The following HIKESHI variants were observed in gnomAD, a reference collection of about 807,000 sequenced individuals.
HIKESHI encodes heat shock protein nuclear import factor hikeshi.
HIKESHI carries 13 observed loss-of-function variants against 25.7 expected under a neutral mutation model. The ratio of observed to expected loss-of-function variants is 0.51; its 90% CI spans 0.33 to 0.80. The LOEUF is 0.80. Ranked by LOEUF, HIKESHI falls within the 30% of genes least tolerant of loss-of-function variation. HIKESHI has a pLI of 0.02. For missense variants in HIKESHI, 174 were observed against 229.5 expected, an observed-to-expected ratio of 0.76 and a Z score of 1.56; for synonymous variants, 76 against 78.7, an observed-to-expected ratio of 0.97 and a Z score of 0.18.
intron 2 of HIKESHI, among the ~76,000 whole-genome samples, chr11:86,309,082 T>C (rs1319982430): frequency 6.6e-6 from 1 of 152,130 alleles, no homozygotes; most frequent in Non-Finnish European, 1.5e-5. Context: ...TGGGTATATG[T>C]CCAGTAATGG....
At chr11:86,335,389 T>C (rs1214504188) in intron 2 of HIKESHI, among the ~76,000 whole-genome samples, 1 of 152,192 alleles carries the variant, frequency 6.6e-6, no homozygotes, top group East Asian at 1.9e-4. Context: ...GGGAATGAGA[T>C]GCTTTGGGGA....
chr11:86,316,262 A>G (rs927388818), intron 2 of HIKESHI, among the ~76,000 whole-genome samples: 4 of 151,650 alleles, frequency 2.6e-5, no homozygotes, highest in Non-Finnish European at 5.9e-5. Flanking sequence ...TGTAATCCCA[A>G]CACTTTGGGA....
At chr11:86,337,341 T>G in intron 2 of HIKESHI, 38 bp from the exon 3 acceptor site, 6 of 1,581,238 alleles carry the variant, frequency 3.8e-6, no homozygotes, top group Non-Finnish European at 5.2e-6. Context: ...GACTACAAGT[T>G]TAATTTGAAA....
intron 2 of HIKESHI, among the ~76,000 whole-genome samples, chr11:86,336,819 A>G (rs1433960662): frequency 6.6e-6 from 1 of 152,216 alleles, no homozygotes; most frequent in African/African-American, 2.4e-5. Flanking sequence ...GAATGTTGAA[A>G]GCATCAAGAG....
chr11:86,315,750 G>A (rs1946960624), intron 2 of HIKESHI, among the ~76,000 whole-genome samples: 1 of 152,198 alleles, frequency 6.6e-6, no homozygotes, highest in South Asian at 2.1e-4. Context: ...TGAACCCAGA[G>A]TGTAGAAAAG....
At chr11:86,305,221 A>C (rs1946592905) in intron 1 of HIKESHI, among the ~76,000 whole-genome samples, 1 of 151,294 alleles carries the variant, frequency 6.6e-6, no homozygotes, top group Non-Finnish European at 1.5e-5. Context: ...GCTGGTCTTG[A>C]ACTCCTGAGC....
At chr11:86,335,635 T>A (rs1230009783) in intron 2 of HIKESHI, among the ~76,000 whole-genome samples, 1 of 152,186 alleles carries the variant, frequency 6.6e-6, no homozygotes, top group Non-Finnish European at 1.5e-5. Flanking sequence ...CTGGCAGAAT[T>A]TTTTGGTTGC....
In HIKESHI at chr11:86,336,147, A is replaced by C. The variant is rs1255805851; in HGVS notation, c.269-1232A>C. Among the ~76,000 whole-genome samples, 4 of 152,258 alleles carry C rather than the reference A, an allele frequency of 2.6e-5. No individual in the cohort carries two copies. In the East Asian group the frequency reaches 5.8e-4, roughly 22 times the overall value. ...GATAGCAGAATTGAGTAGACAGAAG[A>C]AAGAATCAGTGAAGTCGAAGATAAA... On this transcript the variant is annotated intron_variant, in intron 2 of 4. Transcript: ENST00000278483.
chr11:86,319,112 A>G lies in HIKESHI; in HGVS notation c.268+12630A>G, dbSNP rs1039129871. Among the ~76,000 whole-genome samples the G allele has an allele frequency of 4.0e-5, 6 of 151,210 alleles. No homozygotes were observed. The East Asian group carries it at 7.8e-4, about 20-fold the overall frequency. ...TTTTTTGTAGAGATAGGGTCTTGCC[A>G]TGTTGCCCAGGCTGGTCTCAAATTC... On this transcript the variant is annotated intron_variant, in intron 2 of 4. Coordinates refer to ENST00000278483, the MANE Select transcript of HIKESHI (RefSeq NM_016401.4).
Position 86,318,093 on chromosome 11 carries a change from A to G in HIKESHI, c.268+11611A>G, listed in dbSNP as rs532803185. 6.6e-5 allele frequency among the ~76,000 whole-genome samples: 10 copies of G among 151,960 alleles called. No individual in the cohort carries two copies. The East Asian group carries it at 7.8e-4, about 12-fold the overall frequency. ...GCTGAGGCGGGCGGATCACGAGGTC[A>G]GGAGATCAAGACCATCCTGGCTAAC... On this transcript the variant is annotated intron_variant, in intron 2 of 4. Coordinates refer to ENST00000278483, the MANE Select transcript of HIKESHI (RefSeq NM_016401.4).
At chr11:86,303,524 C>A in intron 1 of HIKESHI, 1 of 320,408 alleles carries the variant, frequency 3.1e-6, no homozygotes, top group Non-Finnish European at 4.5e-6. Context: ...TTGTGTGACT[C>A]AGACGAGTGA....
At chr11:86,319,593 A>C (rs1355940424) in intron 2 of HIKESHI, among the ~76,000 whole-genome samples, 1 of 149,446 alleles carries the variant, frequency 6.7e-6, no homozygotes, top group Non-Finnish European at 1.5e-5. Flanking sequence ...GAATATCTGT[A>C]ATCAGTGTTC....
intron 1 of HIKESHI, among the ~76,000 whole-genome samples, chr11:86,305,608 A>T (rs1453646522): frequency 6.8e-6 from 1 of 146,634 alleles, no homozygotes; most frequent in Non-Finnish European, 1.5e-5. Flanking sequence ...CTGGTTTCGA[A>T]CTCCTGACGT....
chr11:86,340,014 C>T (rs539600474), intron 3 of HIKESHI, among the ~76,000 whole-genome samples: 11 of 150,682 alleles, frequency 7.3e-5, no homozygotes, highest in Non-Finnish European at 1.5e-4. Flanking sequence ...GGTTTTCTGT[C>T]CTTGTGATAG....
At chr11:86,340,923 G>A (rs546375097) in intron 3 of HIKESHI, among the ~76,000 whole-genome samples, 22 of 152,320 alleles carry the variant, frequency 1.4e-4, no homozygotes, top group African/African-American at 5.1e-4. Flanking sequence ...GATTACAGGC[G>A]TGAGCCATCA....
chr11:86,343,989 T>G (rs1947801633), intron 3 of HIKESHI: 4 of 152,262 alleles, frequency 2.6e-5, no homozygotes, highest in African/African-American at 9.6e-5. Flanking sequence ...TTTGATCATT[T>G]TAGAGTCAAG....
chr11:86,320,748 C>T (rs1377301242), intron 2 of HIKESHI, among the ~76,000 whole-genome samples: 1 of 152,120 alleles, frequency 6.6e-6, no homozygotes, highest in African/African-American at 2.4e-5. Flanking sequence ...CTGTTTCCAC[C>T]ACCTCTTCTC....
At chr11:86,309,744 TGTATAAG>T (rs1946781862) in intron 2 of HIKESHI, among the ~76,000 whole-genome samples, 1 of 152,200 alleles carries the variant, frequency 6.6e-6, no homozygotes, top group Admixed American at 6.5e-5. Context: ...AATTAATTTT[TGTATAAG>T]GTATAAGAAA....
intron 2 of HIKESHI, chr11:86,326,617 C>T: frequency 2.2e-6 from 1 of 452,208 alleles, no homozygotes; most frequent in Non-Finnish European, 4.4e-6. Context: ...GAATAGTGAG[C>T]TGAGATAAAT....
Sources: gnomAD v4.1 joint callset for allele counts (sites outside exome capture counted in the v4.1 genomes callset) on GRCh38, gnomAD v4.1.1 for gene constraint, MANE v1.5 for transcripts, NCBI Gene and HGNC (gene_info 2026-07-23, HGNC 2026-07-21) for gene names.